The following CAT variants were observed in gnomAD, a reference collection of about 807,000 sequenced individuals.
CAT encodes the protein epididymis secretory sperm binding protein.
In CAT, 43 loss-of-function variants were observed where a neutral mutation model predicts 59.0. That is an observed-to-expected ratio of 0.73 (90% CI 0.57 to 0.94). The LOEUF (loss-of-function observed/expected upper bound fraction) is 0.94, where lower values mean the gene tolerates loss of function less well. CAT is among the 40% of genes least tolerant of loss of function. CAT has a pLI of 0.00. For missense variants in CAT, 664 were observed against 682.9 expected (o/e 0.97, Z 0.31); for synonymous variants, 218 against 230.9 (o/e 0.94, Z 0.51).
chr11:34,453,368 G>A (rs944086301), intron 5 of CAT, among the ~76,000 whole-genome samples, 174 bp downstream of exon 5: 2 of 152,150 alleles, frequency 1.3e-5, no homozygotes, highest in African/African-American at 4.8e-5. Flanking sequence ...CCCATTCATC[G>A]GCCTTAAATG....
chr11:34,471,348 A>G lies in CAT; in HGVS notation c.1519-20A>G. The G allele has an allele frequency of 1.2e-6, 2 of 1,609,700 alleles. No homozygotes were observed. The highest frequency in any genetic ancestry group is 1.7e-6 in the Non-Finnish European group (2 of 1,175,952). On this transcript the variant is annotated intron_variant, in intron 12 of 12. Coordinates refer to ENST00000241052, the MANE Select transcript of CAT (RefSeq NM_001752.4). Reference sequence around the variant, plus strand: ...TGCCCATGAGGTGATTAACCTGCTCATCTTGTTCTTTTAAAACAGAATGCG... The same window carrying G: ...TGCCCATGAGGTGATTAACCTGCTCGTCTTGTTCTTTTAAAACAGAATGCG...
At chr11:34,451,282 G>A (rs753186518) in intron 3 of CAT, among the ~76,000 whole-genome samples, 184 bp downstream of exon 3, 5 of 152,188 alleles carry the variant, frequency 3.3e-5, no homozygotes, top group Non-Finnish European at 7.3e-5. Flanking sequence ...TCTGTTTGTT[G>A]AGGTCTTAGG....
chr11:34,449,319 A>G lies in CAT; in HGVS notation c.194A>G (p.Asp65Gly). ...TTCACTGATGAAATGGCTCATTTTG[A>G]CCGAGAGAGAATTCCTGAGAGAGTT... ...VVFTDEMAHF[D>G]RERIPERVVH... Residue 65 changes from aspartate to glycine, a missense_variant, in exon 2 of 13, where the codon GAC (aspartate) becomes GGC (glycine). Asp to Gly is a moderately conservative substitution (Grantham distance 94). Coordinates refer to ENST00000241052, the MANE Select transcript of CAT (RefSeq NM_001752.4). 6.2e-7 allele frequency: 1 copy of G among 1,614,120 alleles called. No homozygotes were observed. The highest frequency in any genetic ancestry group is 8.5e-7 in the Non-Finnish European group (1 of 1,179,992).
At position 34,464,147 on chromosome 11, in the gene CAT, A is replaced by C; in HGVS notation, c.1238A>C (p.Glu413Ala). 1 of 1,614,124 alleles carries C rather than the reference A, an allele frequency of 6.2e-7. No individual in the cohort carries two copies. Among genetic ancestry groups the C allele is most frequent in the East Asian group, 2.2e-5 (1 of 44,880 alleles). The change falls in exon 10 of 13, where the codon GAA becomes GCA. Residue 413 changes from glutamate (E) to alanine (A), a missense_variant. Glu to Ala is a moderately radical substitution (Grantham distance 107, BLOSUM62 -1). Coordinates refer to ENST00000241052, the MANE Select transcript of CAT (RefSeq NM_001752.4). ...NYYPNSFGAP[E>A]QQPSALEHSI... ...TACCCCAACAGCTTTGGTGCTCCGG[A>C]ACAACAGCCTTCTGCCCTGGAGCAC...
intron 2 of CAT, among the ~76,000 whole-genome samples, chr11:34,450,340 T>C (rs1490526072): frequency 6.6e-6 from 1 of 152,190 alleles, no homozygotes; most frequent in Non-Finnish European, 1.5e-5. Context: ...TTCCAACAAT[T>C]TCTGTAAAAC....
intron 4 of CAT, among the ~76,000 whole-genome samples, chr11:34,452,759 G>A (rs1184031428): frequency 3.3e-5 from 5 of 151,986 alleles, no homozygotes; most frequent in African/African-American, 1.2e-4. Flanking sequence ...GGAGGCTGAG[G>A]TGGGAGATTT....
At chr11:34,449,977 T>G (rs988766352) in intron 2 of CAT, among the ~76,000 whole-genome samples, 40 of 152,194 alleles carry the variant, frequency 2.6e-4, no homozygotes, top group African/African-American at 9.2e-4. Flanking sequence ...GGACTCACAC[T>G]GGGACCATTC....
Position 34,460,446 on chromosome 11 carries a change from C to CTTT in CAT, c.1057-782_1057-780dup, listed in dbSNP as rs149180752. ...GAAGGCAGCATGGGAGTGGGCGGTA[C>CTTT]TTTTTTTTTTTTTTTTTTTTTTTTT... On this transcript the variant is annotated intron_variant, in intron 8 of 12. Coordinates refer to ENST00000241052, the MANE Select transcript of CAT (RefSeq NM_001752.4). 3.9e-4 allele frequency among the ~76,000 whole-genome samples: 33 copies of CTTT among 84,500 alleles called. 1 individual carries two copies. Among genetic ancestry groups the CTTT allele is most frequent in the Admixed American group, 5.4e-4 (4 of 7,396 alleles). 55.4% of individuals were successfully genotyped at this position (84,500 alleles called of 152,430 possible).
Position 34,460,897 on chromosome 11 carries a change from C to T in CAT, c.1057-354C>T, listed in dbSNP as rs972435836. 58 of 299,328 alleles carry T rather than the reference C, an allele frequency of 1.9e-4. No homozygotes were observed. The South Asian group carries it at 2.0e-3, about 10-fold the overall frequency. 18.5% of individuals were successfully genotyped at this position (299,328 alleles called of 1,614,324 possible). ...TTAATTCAATATTTCAGTTAGTTAA[C>T]GTTCTAGCACATTTATTTTATAATG... On this transcript the variant is annotated intron_variant, in intron 8 of 12. Coordinates refer to ENST00000241052, the MANE Select transcript of CAT (RefSeq NM_001752.4).
At chr11:34,441,190 A>G (rs1229575130) in intron 1 of CAT, among the ~76,000 whole-genome samples, 4 of 152,246 alleles carry the variant, frequency 2.6e-5, no homozygotes, top group Non-Finnish European at 4.4e-5. Context: ...AATTATGCAT[A>G]TGCCTTATAG....
Position 34,471,018 on chromosome 11 carries a change from A to C in CAT, c.1495A>C (p.Lys499Gln), listed in dbSNP as rs1249582113. The C allele has an allele frequency of 1.2e-6, 2 of 1,614,198 alleles. No individual in the cohort carries two copies. Among genetic ancestry groups the C allele is most frequent in the Non-Finnish European group, 1.7e-6 (2 of 1,180,022 alleles). ...GAGCCACATCCAGGCTCTTCTGGACAAGTACAATGCTGAGAAGCCTAAGGT... is the reference window on the plus strand; with the variant it reads ...GAGCCACATCCAGGCTCTTCTGGACCAGTACAATGCTGAGAAGCCTAAGGT... Reference protein sequence around the residue: ...YGSHIQALLDKYNAEKPKNAI... With the variant: ...YGSHIQALLDQYNAEKPKNAI... The change falls in exon 12 of 13, where the codon AAG (lysine) becomes CAG (glutamine). Residue 499 changes from lysine to glutamine, a missense_variant. Transcript: ENST00000241052.
At chr11:34,463,913 C>G (rs559491052) in intron 9 of CAT, among the ~76,000 whole-genome samples, 192 bp from the exon 10 acceptor site, 3 of 152,316 alleles carry the variant, frequency 2.0e-5, no homozygotes, top group Admixed American at 2.0e-4. Context: ...GCAGCGTTCC[C>G]TAAGAATCTT....
chr11:34,465,157 A>G (rs191661150), intron 10 of CAT, among the ~76,000 whole-genome samples: 1 of 152,344 alleles, frequency 6.6e-6, no homozygotes, highest in East Asian at 1.9e-4. Context: ...TTAAAGGTAT[A>G]GTTGTTCTAG....
intron 8 of CAT, chr11:34,461,020 T>A: frequency 1.7e-6 from 1 of 593,686 alleles, no homozygotes; most frequent in South Asian, 1.9e-5. Flanking sequence ...CAAAAACAGA[T>A]GTGAAGATTT....
chr11:34,440,559 T>C (rs191003914), intron 1 of CAT, among the ~76,000 whole-genome samples: 36 of 151,930 alleles, frequency 2.4e-4, no homozygotes, highest in Admixed American at 9.8e-4. Context: ...TTCTTTTTCT[T>C]TTCTTTTCTT....
At chr11:34,451,445 A>G (rs1856522513) in intron 3 of CAT, among the ~76,000 whole-genome samples, 1 of 152,190 alleles carries the variant, frequency 6.6e-6, no homozygotes, top group Non-Finnish European at 1.5e-5. Flanking sequence ...ATTCTGTGCC[A>G]ACTGTGGTTA....
chr11:34,460,303 T>C (rs1423899147), intron 8 of CAT, among the ~76,000 whole-genome samples: 1 of 152,246 alleles, frequency 6.6e-6, no homozygotes, highest in Non-Finnish European at 1.5e-5. Flanking sequence ...GAACATAATT[T>C]AATCTTAGAT....
chr11:34,455,609 T>C (rs1053219943), intron 6 of CAT, among the ~76,000 whole-genome samples: 1 of 151,992 alleles, frequency 6.6e-6, no homozygotes, highest in Non-Finnish European at 1.5e-5. Flanking sequence ...ATTTGAGCTG[T>C]CATGAAATGG....
chr11:34,461,072 T>G, intron 8 of CAT, 179 bp from the exon 9 acceptor site: 4 of 739,748 alleles, frequency 5.4e-6, no homozygotes, highest in Non-Finnish European at 9.8e-6. Context: ...ACTGTTCAGT[T>G]AGGGAGAACT....
Sources: allele counts gnomAD v4.1 joint callset (sites outside exome capture counted in the v4.1 genomes callset), GRCh38; gene constraint gnomAD v4.1.1; transcripts MANE v1.5; gene names NCBI Gene and HGNC (gene_info 2026-07-23, HGNC 2026-07-21).